HIVEP3: variants seen among roughly 807,000 people sequenced by gnomAD.
HIVEP3 encodes the protein transcription factor HIVEP3.
In HIVEP3, 49 loss-of-function variants were observed where a neutral mutation model predicts 152.8. The ratio of observed to expected loss-of-function variants is 0.32; its 90% CI spans 0.26 to 0.41. The LOEUF is 0.41. HIVEP3 is among the 10% of genes least tolerant of loss of function. HIVEP3 has a pLI of 1.00. For synonymous variants in HIVEP3, 1,269 were observed against 1,289.0 expected (o/e 0.98, Z 0.33); for missense variants, 2,790 against 3,103.3 (o/e 0.90, Z 2.40).
Position 41,655,409 on chromosome 1 carries a change from C to G in HIVEP3, c.-720-26462G>C, listed in dbSNP as rs368200044. Among the ~76,000 whole-genome samples the G allele has an allele frequency of 1.8e-4, 27 of 151,936 alleles. 1 individual carries two copies. Among genetic ancestry groups the G allele is most frequent in the African/African-American group, 6.5e-4 (27 of 41,408 alleles). ...ACCAGCCTGGCCAACATGGGGAAACCCTGTCTCTACTAAACGTACAAAAAT... is the reference window on the plus strand; with the variant it reads ...ACCAGCCTGGCCAACATGGGGAAACGCTGTCTCTACTAAACGTACAAAAAT... On this transcript the variant is annotated intron_variant, in intron 2 of 8. Coordinates refer to ENST00000372583, the MANE Select transcript of HIVEP3 (RefSeq NM_024503.5).
At chr1:41,991,580 C>G (rs1645361760) in intron 1 of HIVEP3, among the ~76,000 whole-genome samples, 1 of 148,468 alleles carries the variant, frequency 6.7e-6, no homozygotes, top group Admixed American at 6.7e-5. Context: ...CAAGGAGGAA[C>G]TGGTACCATT....
intron 5 of HIVEP3, among the ~76,000 whole-genome samples, chr1:41,563,965 G>A (rs1264677319): frequency 6.6e-6 from 1 of 152,156 alleles, no homozygotes; most frequent in Non-Finnish European, 1.5e-5. Flanking sequence ...AGGCTGAAGA[G>A]GGCAGATCAT....
At chr1:41,965,892 A>G (rs1645194812) in intron 1 of HIVEP3, among the ~76,000 whole-genome samples, 1 of 152,128 alleles carries the variant, frequency 6.6e-6, no homozygotes, top group Non-Finnish European at 1.5e-5. Flanking sequence ...CCAGTAAAAT[A>G]CTCCATGAGA....
chr1:41,695,488 AG>A (rs1222088124), intron 2 of HIVEP3, among the ~76,000 whole-genome samples: 1 of 152,208 alleles, frequency 6.6e-6, no homozygotes, highest in Non-Finnish European at 1.5e-5. Context: ...TGTAGGCCCC[AG>A]GGACATGGGG....
intron 5 of HIVEP3, among the ~76,000 whole-genome samples, chr1:41,567,731 T>A (rs1169867164): frequency 1.3e-5 from 2 of 152,248 alleles, no homozygotes; most frequent in Non-Finnish European, 2.9e-5. Flanking sequence ...CATCCCTTTC[T>A]GGCATTATGT....
intron 5 of HIVEP3, among the ~76,000 whole-genome samples, chr1:41,566,846 G>GTCTT (rs750425841): frequency 1.3e-5 from 2 of 152,102 alleles, no homozygotes; most frequent in Non-Finnish European, 2.9e-5. Flanking sequence ...GTGTCTGTCT[G>GTCTT]CCCTAGAAAT....
chr1:41,739,156 G>A (rs969504017), intron 1 of HIVEP3, among the ~76,000 whole-genome samples: 3 of 152,254 alleles, frequency 2.0e-5, no homozygotes, highest in African/African-American at 7.2e-5. Flanking sequence ...AGCCCGCGCC[G>A]CCTCTGCCCC....
At chr1:41,935,974 A>G (rs1645018328) in intron 1 of HIVEP3, among the ~76,000 whole-genome samples, 2 of 152,046 alleles carry the variant, frequency 1.3e-5, no homozygotes, top group Non-Finnish European at 2.9e-5. Flanking sequence ...ATACTCAAGT[A>G]TATTTCACCT....
rs529571798 is a variant in HIVEP3, at chr1:41,628,851, G to A, written c.-624C>T. ...TACGGCAGCCACCCTCCACCTAGGC[G>A]CCGCTCTTCCCACCAGAGGGGCGGG... On this transcript the variant is annotated 5_prime_UTR_variant, in exon 3 of 9. Transcript: ENST00000372583. 19 of 1,232,074 alleles carry A rather than the reference G, an allele frequency of 1.5e-5. No individual in the cohort carries two copies. The highest frequency in any genetic ancestry group is 7.8e-5 in the African/African-American group (5 of 64,512). The allele number at this position is 1,232,074 out of a possible 1,614,324, so 76.3% of individuals were successfully genotyped here.
chr1:41,544,842 A>T (rs1342331428), intron 5 of HIVEP3, among the ~76,000 whole-genome samples: 1,766 of 57,928 alleles, frequency 0.03, 9 homozygotes, highest in Non-Finnish European at 0.049. Flanking sequence ...CACCACCACC[A>T]CTACCACCAC....
chr1:41,957,723 A>T (rs1645147360), intron 1 of HIVEP3, among the ~76,000 whole-genome samples: 1 of 152,214 alleles, frequency 6.6e-6, no homozygotes, highest in Non-Finnish European at 1.5e-5. Context: ...TAAGATGAAT[A>T]CCTAAAAGGT....
rs534180439 is a variant in HIVEP3 at position 42,001,181 on chromosome 1, G to GA, written n.119+34625dup. On this transcript the variant is annotated intron_variant and non_coding_transcript_variant, in intron 1 of 3. Transcript: ENST00000489103. ...GTAAAAATGGTGAGCAAGGGAACAGGAAAAAAGGGACACACTGAAAAAGAA... is the reference window on the plus strand; with the variant it reads ...GTAAAAATGGTGAGCAAGGGAACAGGAAAAAAAGGGACACACTGAAAAAGAA... Among the ~76,000 whole-genome samples the GA allele has an allele frequency of 4.4e-3, 673 of 151,936 alleles. 5 individuals are homozygous for GA. Among genetic ancestry groups the GA allele is most frequent in the African/African-American group, 0.016 (655 of 41,474 alleles).
chr1:41,734,866 T>C (rs1453656085), intron 1 of HIVEP3, among the ~76,000 whole-genome samples: 1 of 152,210 alleles, frequency 6.6e-6, no homozygotes, highest in African/African-American at 2.4e-5. Flanking sequence ...TTAGGGCTGT[T>C]GTCTGCAGCA....
At chr1:41,822,464 C>A (rs1402827943) in intron 1 of HIVEP3, among the ~76,000 whole-genome samples, 1 of 152,150 alleles carries the variant, frequency 6.6e-6, no homozygotes, top group Non-Finnish European at 1.5e-5. Flanking sequence ...AGAAGGACTG[C>A]CACTGTCCTT....
intron 2 of HIVEP3, among the ~76,000 whole-genome samples, chr1:41,636,432 A>T (rs969883314): frequency 3.3e-5 from 5 of 152,246 alleles, no homozygotes; most frequent in African/African-American, 1.2e-4. Flanking sequence ...ATTGGACCTC[A>T]GTGCTCTTAA....
chr1:41,523,609 G>A (rs1642821732), intron 6 of HIVEP3, among the ~76,000 whole-genome samples: 1 of 152,184 alleles, frequency 6.6e-6, no homozygotes, highest in African/African-American at 2.4e-5. Flanking sequence ...CAAGCAGCAA[G>A]AGCACGGAGG....
At chr1:41,995,114 G>A (rs7515398) in intron 1 of HIVEP3, among the ~76,000 whole-genome samples, 1,701 of 152,028 alleles carry the variant, frequency 0.011, 33 homozygotes, top group African/African-American at 0.039. Context: ...GATAATCACC[G>A]AGAATTTTCC....
intron 1 of HIVEP3, among the ~76,000 whole-genome samples, chr1:41,766,849 G>A (rs1648042891): frequency 6.6e-6 from 1 of 152,216 alleles, no homozygotes; most frequent in Admixed American, 6.5e-5. Flanking sequence ...TGTCAAGAAT[G>A]AACAGTCTCT....
At chr1:41,855,721 C>T (rs978361343) in intron 1 of HIVEP3, among the ~76,000 whole-genome samples, 1 of 152,172 alleles carries the variant, frequency 6.6e-6, no homozygotes, top group African/African-American at 2.4e-5. Context: ...GACCATAGAA[C>T]TCCTCAGATT....
Sources: allele counts gnomAD v4.1 joint callset (sites outside exome capture counted in the v4.1 genomes callset), GRCh38; gene constraint gnomAD v4.1.1; transcripts MANE v1.5; gene names NCBI Gene and HGNC (gene_info 2026-07-23, HGNC 2026-07-21).